Variants in WWP1 observed in about 807,000 individuals in gnomAD.
WWP1 encodes the protein WW domain containing E3 ubiquitin protein ligase 1.
In WWP1, 49 loss-of-function variants were observed where a neutral mutation model predicts 130.6. That is an observed-to-expected ratio of 0.38 (90% confidence interval 0.30 to 0.48). The LOEUF (loss-of-function observed/expected upper bound fraction) is 0.48. Among genes scored for constraint, WWP1 ranks in the 20% least tolerant of loss-of-function variants. The pLI is 0.99. For missense variants in WWP1, 809 were observed against 1,100.6 expected (o/e 0.74, Z 3.75); for synonymous variants, 332 against 367.8 (o/e 0.90, Z 1.11).
chr8:86,357,591 C>A (rs1055998679), intron 1 of WWP1, among the ~76,000 whole-genome samples: 1 of 152,198 alleles, frequency 6.6e-6, no homozygotes, highest in Admixed American at 6.5e-5. Context: ...AAGCTGGATA[C>A]AGTGGCGAGG....
chr8:86,458,702 A>G (rs1811588102), intron 22 of WWP1, among the ~76,000 whole-genome samples: 1 of 152,090 alleles, frequency 6.6e-6, no homozygotes, highest in African/African-American at 2.4e-5. Flanking sequence ...TAACTGTTTC[A>G]TTTTCAGGTG....
chr8:86,439,631 T>C, intron 17 of WWP1, among the ~76,000 whole-genome samples: 1 of 152,230 alleles, frequency 6.6e-6, no homozygotes, highest in East Asian at 1.9e-4. Flanking sequence ...TTTATGTTTT[T>C]AGTCCAATCT....
chr8:86,343,850 C>T (rs1357621664), intron 1 of WWP1, among the ~76,000 whole-genome samples: 2 of 151,862 alleles, frequency 1.3e-5, no homozygotes, highest in Non-Finnish European at 2.9e-5. Flanking sequence ...TGTGTTTCTG[C>T]TTTAAAATGT....
intron 9 of WWP1, among the ~76,000 whole-genome samples, chr8:86,414,890 T>TCCCCCCCCCC (rs1222505171): frequency 3.2e-4 from 30 of 94,804 alleles, no homozygotes; most frequent in Non-Finnish European, 4.8e-4. Flanking sequence ...CCCCCCCCCA[T>TCCCCCCCCCC]CCCCCCACCC....
chr8:86,365,089 A>G (rs7835743), intron 1 of WWP1, among the ~76,000 whole-genome samples: 46,569 of 151,884 alleles, frequency 0.31, 8,849 homozygotes, highest in Middle Eastern at 0.45. Flanking sequence ...GAGTAAGAGA[A>G]AACAGAACCA....
chr8:86,414,635 C>T (rs1339500643), intron 9 of WWP1, among the ~76,000 whole-genome samples: 1 of 152,164 alleles, frequency 6.6e-6, no homozygotes, highest in East Asian at 1.9e-4. Flanking sequence ...ATTTAGCTAA[C>T]AACAGGATAG....
chr8:86,416,970 C>G (rs1808925097), intron 9 of WWP1, among the ~76,000 whole-genome samples: 1 of 152,144 alleles, frequency 6.6e-6, no homozygotes, highest in Non-Finnish European at 1.5e-5. Flanking sequence ...GCTCTGGTCA[C>G]CACCACATTC....
chr8:86,407,815 C>T (rs930227388), intron 8 of WWP1, among the ~76,000 whole-genome samples: 7 of 152,106 alleles, frequency 4.6e-5, no homozygotes, highest in Non-Finnish European at 1.0e-4. Context: ...CCTCCCATCC[C>T]ACTCAGAGTT....
chr8:86,401,907 AAAG>A, intron 7 of WWP1, 109 bp from the exon 8 acceptor site: 2 of 1,135,134 alleles, frequency 1.8e-6, no homozygotes, highest in Non-Finnish European at 2.3e-6. Context: ...AAATTTTAAA[AAAG>A]AAATAACAAA....
At chr8:86,372,981 G>A (rs376823750) in intron 2 of WWP1, among the ~76,000 whole-genome samples, 3 of 150,982 alleles carry the variant, frequency 2.0e-5, no homozygotes, top group Non-Finnish European at 4.4e-5. Context: ...TCCTTTCCTA[G>A]TATGTCTTTA....
rs954284386 is a variant in WWP1 at position 86,364,357 on chromosome 8, G to A, written c.-114-4582G>A. On this transcript the variant is annotated intron_variant, in intron 1 of 24. Transcript: ENST00000517970. ...AATGGTTAAAATTGGCATTAAAAAG[G>A]GAATCTACAGAAAAATCAAGATTTG... Among the ~76,000 whole-genome samples, 62 of 151,970 alleles carry A rather than the reference G, an allele frequency of 4.1e-4. 1 individual carries two copies. The highest frequency in any genetic ancestry group is 3.2e-3 in the Admixed American group (49 of 15,250).
chr8:86,418,531 T>C (rs1297135952), intron 9 of WWP1, among the ~76,000 whole-genome samples: 1 of 152,136 alleles, frequency 6.6e-6, no homozygotes, highest in East Asian at 1.9e-4. Flanking sequence ...CCAAGAGAGC[T>C]GGATTCTGGC....
intron 1 of WWP1, among the ~76,000 whole-genome samples, chr8:86,349,298 C>CAG (rs1335917590): frequency 2.6e-5 from 4 of 152,166 alleles, no homozygotes; most frequent in African/African-American, 7.2e-5. Context: ...GGATTACAGG[C>CAG]GTGAGCCACC....
chr8:86,430,627 T>C (rs1809885174), intron 11 of WWP1, 70 bp from the exon 12 acceptor site: 1 of 1,286,652 alleles, frequency 7.8e-7, no homozygotes, highest in Non-Finnish European at 1.1e-6. Context: ...TGCCACATGC[T>C]TGGCTTATTT....
chr8:86,426,140 T>G (rs997501543), intron 10 of WWP1, among the ~76,000 whole-genome samples: 2 of 152,214 alleles, frequency 1.3e-5, no homozygotes, highest in Non-Finnish European at 2.9e-5. Flanking sequence ...TGAGAACGTA[T>G]TGGAAAACAT....
chr8:86,418,119 T>A lies in WWP1; in HGVS notation c.1061+6245T>A, dbSNP rs116817051. 9.8e-3 allele frequency among the ~76,000 whole-genome samples: 1,499 copies of A among 152,214 alleles called. 27 individuals carry two copies. Among genetic ancestry groups the A allele is most frequent in the African/African-American group, 0.034 (1,429 of 41,524 alleles). ...TTTTCAGTTGCTTTTAAAAAAAAAC[T>A]TAGTCATATTTCCACATCAGTACAA... is the stretch of plus-strand genomic sequence containing the variant. On this transcript the variant is annotated intron_variant, in intron 9 of 24. Transcript: ENST00000517970.
intron 1 of WWP1, among the ~76,000 whole-genome samples, chr8:86,353,692 A>T (rs1823085367): frequency 6.6e-6 from 1 of 152,188 alleles, no homozygotes; most frequent in Non-Finnish European, 1.5e-5. Flanking sequence ...CATGTTGGCC[A>T]GGCTGGTCTC....
rs529053638 is a variant in WWP1, at chr8:86,355,899, C to G, written c.-115+12969C>G. On this transcript the variant is annotated intron_variant, in intron 1 of 24. Transcript: ENST00000517970. Reference sequence around the variant, plus strand: ...CTTCTTATTTTATATTTTGTTTCTGCAGTGCGTATGTAGTGAAAAGAGCAT... The same window carrying G: ...CTTCTTATTTTATATTTTGTTTCTGGAGTGCGTATGTAGTGAAAAGAGCAT... Among the ~76,000 whole-genome samples the G allele has an allele frequency of 1.3e-4, 20 of 152,266 alleles. No homozygotes were observed. In the East Asian group the frequency reaches 3.9e-3, roughly 29 times the overall value.
intron 20 of WWP1, among the ~76,000 whole-genome samples, chr8:86,449,538 TA>T (rs768815186): frequency 4.6e-5 from 7 of 152,220 alleles, no homozygotes; most frequent in Non-Finnish European, 8.8e-5. Context: ...TTTTAAAATG[TA>T]AAAACTATTC....
Sources: gnomAD v4.1 joint callset for allele counts (sites outside exome capture counted in the v4.1 genomes callset) on GRCh38, gnomAD v4.1.1 for gene constraint, MANE v1.5 for transcripts, NCBI Gene and HGNC (gene_info 2026-07-23, HGNC 2026-07-21) for gene names.